TNRC6A: variants seen among roughly 807,000 people sequenced by gnomAD.
TNRC6A encodes the protein trinucleotide repeat containing adaptor 6A, also known as trinucleotide repeat-containing gene 6A protein.
In TNRC6A, 44 loss-of-function variants were observed where a neutral mutation model predicts 221.2. That is an observed-to-expected ratio of 0.20 (90% CI 0.16 to 0.26). The LOEUF (loss-of-function observed/expected upper bound fraction) is 0.26, where lower values mean the gene tolerates loss of function less well. Among genes scored for constraint, TNRC6A ranks in the 10% least tolerant of loss-of-function variants. TNRC6A has a pLI of 1.00. For synonymous variants in TNRC6A, 847 were observed against 838.5 expected (o/e 1.01, Z -0.18); for missense variants, 2,199 against 2,404.4 (o/e 0.91, Z 1.79).
intron 11 of TNRC6A, among the ~76,000 whole-genome samples, chr16:24,801,065 A>T (rs542247344): frequency 2.6e-5 from 4 of 152,248 alleles, no homozygotes; most frequent in African/African-American, 9.6e-5. Context: ...AGCAGGCTTG[A>T]TAGATACTGC....
At chr16:24,612,093 CAATAAAATAAAATGAAATAA>C (rs1294236569) in intron 1 of TNRC6A, among the ~76,000 whole-genome samples, 1 of 151,948 alleles carries the variant, frequency 6.6e-6, no homozygotes, top group Non-Finnish European at 1.5e-5. Flanking sequence ...GACTCCATCT[CAATAAAATAAAATGAAATAA>C]AATAAAGTAA....
chr16:24,692,253 A>G (rs990730561), intron 2 of TNRC6A, among the ~76,000 whole-genome samples: 3 of 152,218 alleles, frequency 2.0e-5, no homozygotes, highest in Admixed American at 6.5e-5. Flanking sequence ...ACCTTAGGGA[A>G]CCTCTGGAGA....
At chr16:24,742,732 T>C (rs898700317) in intron 2 of TNRC6A, among the ~76,000 whole-genome samples, 5 of 152,124 alleles carry the variant, frequency 3.3e-5, no homozygotes, top group African/African-American at 1.2e-4. Context: ...GACCAGCCTG[T>C]CCAACATGGT....
intron 5 of TNRC6A, among the ~76,000 whole-genome samples, chr16:24,788,841 G>T (rs890318246): frequency 6.6e-6 from 1 of 151,920 alleles, no homozygotes; most frequent in Non-Finnish European, 1.5e-5. Flanking sequence ...GTAGAGATGG[G>T]GTTTCACCAT....
chr16:24,810,733 G>T (rs2058525364), intron 18 of TNRC6A, among the ~76,000 whole-genome samples: 1 of 152,282 alleles, frequency 6.6e-6, no homozygotes, highest in East Asian at 1.9e-4. Flanking sequence ...TAGGTGTGGT[G>T]CAAATCATGG....
chr16:24,771,561 T>TATGTTATGTTTTATG lies in TNRC6A; in HGVS notation c.164-5372_164-5371insATGTTATGTTTTATG, dbSNP rs1555502085. On this transcript the variant is annotated intron_variant, in intron 4 of 24. Coordinates refer to ENST00000395799, the MANE Select transcript of TNRC6A (RefSeq NM_014494.4). ...TATGTTATGTTATGTTATGTTATGTTTTATGTTATGTTATGTTATGTTGTT... is the reference window on the plus strand; with the variant it reads ...TATGTTATGTTATGTTATGTTATGTTATGTTATGTTTTATGTTATGTTATGTTATGTTATGTTGTT... Among the ~76,000 whole-genome samples, 44 of 99,210 alleles carry TATGTTATGTTTTATG rather than the reference T, an allele frequency of 4.4e-4. 1 individual carries two copies. The highest frequency in any genetic ancestry group is 1.1e-3 in the African/African-American group (27 of 24,592). 65.1% of individuals were successfully genotyped at this position (99,210 alleles called of 152,430 possible).
rs574527647 is a variant in TNRC6A, at chr16:24,765,107, G to A, written c.163+6747G>A. On this transcript the variant is annotated intron_variant, in intron 4 of 24. Coordinates refer to ENST00000395799, the MANE Select transcript of TNRC6A (RefSeq NM_014494.4). ...CTACTGTATACCTAGAAGAGGAATTGCTGAGTCATATGGTAGTTCCAGTTT... is the reference window on the plus strand; with the variant it reads ...CTACTGTATACCTAGAAGAGGAATTACTGAGTCATATGGTAGTTCCAGTTT... Among the ~76,000 whole-genome samples, 10 of 152,282 alleles carry A rather than the reference G, an allele frequency of 6.6e-5. No homozygotes were observed. The South Asian group carries it at 1.0e-3, about 16-fold the overall frequency.
At chr16:24,697,135 C>T (rs189616441) in intron 2 of TNRC6A, among the ~76,000 whole-genome samples, 25 of 152,254 alleles carry the variant, frequency 1.6e-4, no homozygotes, top group African/African-American at 4.1e-4. Flanking sequence ...ATGCTAATTA[C>T]GCTAATTTGA....
At chr16:24,661,204 T>C (rs1008516786) in intron 2 of TNRC6A, among the ~76,000 whole-genome samples, 2 of 152,112 alleles carry the variant, frequency 1.3e-5, no homozygotes, top group Non-Finnish European at 2.9e-5. Context: ...TTGTACCTAA[T>C]GTTCAGTTTT....
At chr16:24,650,792 A>G (rs188332732) in intron 2 of TNRC6A, among the ~76,000 whole-genome samples, 1 of 152,334 alleles carries the variant, frequency 6.6e-6, no homozygotes, top group East Asian at 1.9e-4. Flanking sequence ...CTGGCAATAT[A>G]AGAATATTTT....
chr16:24,643,093 T>G (rs9941258), intron 2 of TNRC6A, among the ~76,000 whole-genome samples: 1 of 110,826 alleles, frequency 9.0e-6, no homozygotes, highest in East Asian at 2.5e-4. Flanking sequence ...ATATATATAT[T>G]TTATATATAT....
intron 4 of TNRC6A, among the ~76,000 whole-genome samples, chr16:24,758,642 G>A (rs938009123): frequency 2.0e-5 from 3 of 152,014 alleles, no homozygotes; most frequent in Non-Finnish European, 4.4e-5. Flanking sequence ...TTGACTCTTG[G>A]GGCACAGGCA....
chr16:24,805,459 C>T, intron 14 of TNRC6A, 146 bp from the exon 15 acceptor site: 1 of 1,180,108 alleles, frequency 8.5e-7, no homozygotes, highest in Non-Finnish European at 1.2e-6. Flanking sequence ...AGTGAGTGGT[C>T]AGTTAGTAAG....
At chr16:24,746,198 T>C (rs2057006526) in intron 2 of TNRC6A, among the ~76,000 whole-genome samples, 1 of 152,172 alleles carries the variant, frequency 6.6e-6, no homozygotes, top group African/African-American at 2.4e-5. Flanking sequence ...AAATGTTTGC[T>C]TGTTTTCTTA....
chr16:24,611,031 T>C (rs1185086740), intron 1 of TNRC6A, among the ~76,000 whole-genome samples: 1 of 152,118 alleles, frequency 6.6e-6, no homozygotes, highest in African/African-American at 2.4e-5. Flanking sequence ...CAGGCTGGTT[T>C]CGAACTCCTG....
At chr16:24,667,719 T>A (rs1193870040) in intron 2 of TNRC6A, among the ~76,000 whole-genome samples, 1 of 152,212 alleles carries the variant, frequency 6.6e-6, no homozygotes, top group Non-Finnish European at 1.5e-5. Context: ...TAGCTATTAT[T>A]GTTGTCATAT....
At position 24,617,476 on chromosome 16, in the gene TNRC6A, C is replaced by T. The variant is rs77192866; in HGVS notation, n.276+6992C>T. On this transcript the variant is annotated intron_variant and non_coding_transcript_variant, in intron 1 of 2. Transcript: ENST00000566108. ...TGTGATTGTGTGATTAAGAATTATGCTTCTTTTATTGCTTCTTGGCCTTTT... is the reference window on the plus strand; with the variant it reads ...TGTGATTGTGTGATTAAGAATTATGTTTCTTTTATTGCTTCTTGGCCTTTT... Among the ~76,000 whole-genome samples, 16 of 152,214 alleles carry T rather than the reference C, an allele frequency of 1.1e-4. No individual in the cohort carries two copies. The East Asian group carries it at 2.9e-3, about 28-fold the overall frequency.
intron 2 of TNRC6A, among the ~76,000 whole-genome samples, chr16:24,673,436 T>G (rs560518395): frequency 6.6e-5 from 10 of 152,292 alleles, no homozygotes; most frequent in African/African-American, 2.4e-4. Flanking sequence ...GGGATGCCTG[T>G]AGGTCCACTT....
At chr16:24,797,405 T>G in intron 9 of TNRC6A, 85 bp from the exon 10 acceptor site, 1 of 930,544 alleles carries the variant, frequency 1.1e-6, no homozygotes, top group Non-Finnish European at 1.6e-6. Flanking sequence ...GAATTGGGGA[T>G]TGTCTTAAGT....
Sources: gnomAD v4.1 joint callset for allele counts (sites outside exome capture counted in the v4.1 genomes callset) on GRCh38, gnomAD v4.1.1 for gene constraint, MANE v1.5 for transcripts, NCBI Gene and HGNC (gene_info 2026-07-23, HGNC 2026-07-21) for gene names.